PRR16: variants seen among roughly 807,000 people sequenced by gnomAD.
PRR16 encodes protein Largen.
PRR16 carries 6 observed loss-of-function variants against 18.2 expected under a neutral mutation model. The ratio of observed to expected loss-of-function variants is 0.33; its 90% CI spans 0.18 to 0.65. PRR16 has a LOEUF of 0.65. Among genes scored for constraint, PRR16 ranks in the 30% least tolerant of loss-of-function variants. PRR16 has a pLI of 0.74. For synonymous variants in PRR16, 151 were observed against 147.8 expected (o/e 1.02, Z -0.16); for missense variants, 412 against 376.6 (o/e 1.09, Z -0.78).
intron 1 of PRR16, among the ~76,000 whole-genome samples, chr5:120,666,027 G>A (rs1356225765): frequency 6.6e-6 from 1 of 152,050 alleles, no homozygotes; most frequent in African/African-American, 2.4e-5. Context: ...GGATGGCATT[G>A]AATCTATAAA....
intron 1 of PRR16, among the ~76,000 whole-genome samples, chr5:120,526,807 C>A (rs1481246854): frequency 1.3e-5 from 2 of 152,084 alleles, no homozygotes; most frequent in Non-Finnish European, 2.9e-5. Flanking sequence ...CCATGTTGGC[C>A]AGGATGGTCT....
intron 1 of PRR16, among the ~76,000 whole-genome samples, chr5:120,517,595 A>G (rs964236009): frequency 9.2e-5 from 14 of 152,318 alleles, no homozygotes; most frequent in Middle Eastern, 3.4e-3. Flanking sequence ...GGGTTTAATA[A>G]ACTAATAATT....
chr5:120,737,386 T>TAA, the PRR16 span, among the ~76,000 whole-genome samples: 1 of 147,904 alleles, frequency 6.8e-6, no homozygotes, highest in Non-Finnish European at 1.5e-5. Context: ...TCAATTGAGA[T>TAA]AATTATGTGA....
Position 120,484,762 on chromosome 5 carries a change from G to A in PRR16, c.159+20117G>A, listed in dbSNP as rs889168524. ...AAATTGCAACACAATGTCATAATGTGGTCTTGAATTTGTAAAATAAAATGT... is the reference window on the plus strand; with the variant it reads ...AAATTGCAACACAATGTCATAATGTAGTCTTGAATTTGTAAAATAAAATGT... On this transcript the variant is annotated intron_variant, in intron 1 of 1. Transcript: ENST00000407149. Among the ~76,000 whole-genome samples, 5 of 149,628 alleles carry A rather than the reference G, an allele frequency of 3.3e-5. No homozygotes were observed. In the Admixed American group the frequency reaches 3.4e-4, roughly 10 times the overall value.
chr5:120,690,591 C>T (rs1403609522), downstream of PRR16, among the ~76,000 whole-genome samples: 1 of 152,162 alleles, frequency 6.6e-6, no homozygotes, highest in African/African-American at 2.4e-5. Flanking sequence ...ATAAAGTGCA[C>T]AGCATCAATT....
chr5:120,681,449 A>G (rs773001165), intron 1 of PRR16, among the ~76,000 whole-genome samples: 3 of 152,202 alleles, frequency 2.0e-5, no homozygotes, highest in Non-Finnish European at 2.9e-5. Context: ...TCCTACAGAC[A>G]TGTTCTTTTT....
intron 1 of PRR16, among the ~76,000 whole-genome samples, chr5:120,664,329 G>T (rs1398879569): frequency 7.9e-6 from 1 of 126,694 alleles, no homozygotes; most frequent in African/African-American, 2.8e-5. Context: ...AAAACAAAAT[G>T]TACAAATCCT....
chr5:120,665,284 A>G (rs1444047808), intron 1 of PRR16, among the ~76,000 whole-genome samples: 6 of 151,204 alleles, frequency 4.0e-5, no homozygotes, highest in South Asian at 2.1e-4. Flanking sequence ...CATATCCTTC[A>G]CCCACTTTTT....
the PRR16 span, among the ~76,000 whole-genome samples, chr5:120,742,649 C>G: frequency 1.3e-5 from 2 of 152,012 alleles, no homozygotes; most frequent in Non-Finnish European, 2.9e-5. Flanking sequence ...AATAATGCAT[C>G]TAAACTTCTT....
chr5:120,476,337 A>G (rs1234716201), intron 1 of PRR16, among the ~76,000 whole-genome samples: 2 of 152,046 alleles, frequency 1.3e-5, no homozygotes, highest in African/African-American at 4.8e-5. Context: ...GGCAATCTTG[A>G]TATTATCACA....
chr5:120,636,350 G>A (rs1693115088), intron 1 of PRR16, among the ~76,000 whole-genome samples: 1 of 152,042 alleles, frequency 6.6e-6, no homozygotes, highest in South Asian at 2.1e-4. Flanking sequence ...AACATCTGGA[G>A]GCATCACATT....
chr5:120,746,631 C>T, the PRR16 span, among the ~76,000 whole-genome samples: 4 of 152,136 alleles, frequency 2.6e-5, no homozygotes, highest in Non-Finnish European at 5.9e-5. Context: ...GTTTTAAAAA[C>T]AATAGCTGCC....
intron 1 of PRR16, among the ~76,000 whole-genome samples, chr5:120,517,134 G>A (rs977225582): frequency 6.6e-6 from 1 of 152,178 alleles, no homozygotes; most frequent in Non-Finnish European, 1.5e-5. Flanking sequence ...GGAATAGTCT[G>A]GGAGAAAATA....
the PRR16 span, among the ~76,000 whole-genome samples, chr5:120,738,328 C>T: frequency 8.6e-4 from 131 of 151,838 alleles, 1 homozygote; most frequent in African/African-American, 3.0e-3. Flanking sequence ...GGTGGGTATA[C>T]AAATGAAAAT....
At chr5:120,545,171 G>T (rs922261912) in intron 1 of PRR16, among the ~76,000 whole-genome samples, 1 of 151,940 alleles carries the variant, frequency 6.6e-6, no homozygotes, top group African/African-American at 2.4e-5. Context: ...CCTACAGATG[G>T]CATTTTTTTC....
At chr5:120,647,336 C>T (rs891935760) in intron 1 of PRR16, among the ~76,000 whole-genome samples, 13 of 151,600 alleles carry the variant, frequency 8.6e-5, no homozygotes, top group African/African-American at 3.1e-4. Context: ...TTGCATTCAA[C>T]AGATAACAAT....
chr5:120,747,243 A>G, the PRR16 span, among the ~76,000 whole-genome samples: 149,075 of 152,254 alleles, frequency 0.98, 73,063 homozygotes, highest in East Asian at 1. Context: ...GGGACAGCTG[A>G]GGAGATTTAC....
At chr5:120,512,162 C>G (rs1018657365) in intron 1 of PRR16, among the ~76,000 whole-genome samples, 2 of 80,220 alleles carry the variant, frequency 2.5e-5, no homozygotes, top group Non-Finnish European at 5.1e-5. Flanking sequence ...CCTGGAATCC[C>G]CATCCATTGA....
chr5:120,659,794 G>A (rs78466934), intron 1 of PRR16, among the ~76,000 whole-genome samples: 398 of 152,134 alleles, frequency 2.6e-3, no homozygotes, highest in African/African-American at 9.0e-3. Flanking sequence ...ACAGTCATCT[G>A]AGGGAAGGTT....
Sources: gnomAD v4.1 joint callset for allele counts (sites outside exome capture counted in the v4.1 genomes callset) on GRCh38, gnomAD v4.1.1 for gene constraint, MANE v1.5 for transcripts, NCBI Gene and HGNC (gene_info 2026-07-23, HGNC 2026-07-21) for gene names.